OLR1: variants seen among roughly 807,000 people sequenced by gnomAD.
OLR1 encodes the protein oxidized low density lipoprotein receptor 1, also known as oxidized low-density lipoprotein receptor 1.
OLR1 carries 23 observed loss-of-function variants against 31.7 expected under a neutral mutation model. That is an observed-to-expected ratio of 0.72 (90% confidence interval 0.52 to 1.03). The LOEUF (loss-of-function observed/expected upper bound fraction) is 1.03. OLR1 is among the 50% of genes least tolerant of loss of function. The probability of loss-of-function intolerance (pLI) is 0.00; values close to 1 mark genes in which losing one functional copy is unlikely to be tolerated. For missense variants in OLR1, 286 were observed against 315.7 expected (o/e 0.91, Z 0.71); for synonymous variants, 117 against 115.8 (o/e 1.01, Z -0.07).
intron 2 of OLR1, among the ~76,000 whole-genome samples, chr12:10,168,303 T>A (rs1371789601): frequency 6.6e-6 from 1 of 152,212 alleles, no homozygotes; most frequent in African/African-American, 2.4e-5. Context: ...AATGTTTTAT[T>A]TATTAAGATT....
In OLR1 at chr12:10,169,115, C is replaced by G; in HGVS notation, c.137G>C (p.Cys46Ser). The change falls in exon 2 of 6, where the codon TGC becomes TCC. Residue 46 changes from cysteine to serine, a missense_variant. By Grantham distance (112) the Cys-to-Ser change is moderately radical. Coordinates refer to ENST00000309539, the MANE Select transcript of OLR1 (RefSeq NM_002543.4). ...CLAAATLGVL[C>S]LGLVVTIMVL... The stretch of plus-strand genomic sequence containing the variant: ...CATAATGGTCACTACTAATCCCAGG[C>G]AAAGGACCCCTAGAGTCGCAGCAGC... 1.2e-6 allele frequency: 2 copies of G among 1,613,876 alleles called. No homozygotes were observed. The highest frequency in any genetic ancestry group is 1.7e-6 in the Non-Finnish European group (2 of 1,179,946).
intron 3 of OLR1, among the ~76,000 whole-genome samples, chr12:10,166,478 A>G (rs1265787738): frequency 6.6e-6 from 1 of 151,828 alleles, no homozygotes; most frequent in Non-Finnish European, 1.5e-5. Flanking sequence ...CAGTGAGCAG[A>G]GATCACACCA....
chr12:10,160,575 C>T (rs138013175), intron 4 of OLR1, 113 bp from the exon 5 acceptor site: 8 of 988,136 alleles, frequency 8.1e-6, no homozygotes, highest in Admixed American at 2.2e-5. Flanking sequence ...TCTTTGACAT[C>T]CCCTTGACTG....
intron 5 of OLR1, 37 bp downstream of exon 5, chr12:10,160,310 C>G (rs1329685474): frequency 3.9e-5 from 59 of 1,507,570 alleles, no homozygotes; most frequent in Non-Finnish European, 5.4e-5. Context: ...GAATAGGAAA[C>G]TGACGAGAGA....
Position 10,159,724 on chromosome 12 carries a change from C to A in OLR1, c.*156G>T. 3.4e-6 allele frequency: 2 copies of A among 590,044 alleles called. No homozygotes were observed. The highest frequency in any genetic ancestry group is 5.7e-6 in the Non-Finnish European group (2 of 353,716). The allele number at this position is 590,044 out of a possible 1,614,324, so 36.6% of individuals were successfully genotyped here. A position where few individuals can be genotyped will look rare whatever the true frequency, so the allele number is the denominator to read the frequency against. ...ATCAAAAATGTTGACATAAAGGTGC[C>A]AGGCTCCTGGAACCCCAGTTTCTGC... On this transcript the variant is annotated 3_prime_UTR_variant, in exon 6 of 6. Coordinates refer to ENST00000309539, the MANE Select transcript of OLR1 (RefSeq NM_002543.4).
chr12:10,163,255 T>A (rs1948634669), intron 3 of OLR1, among the ~76,000 whole-genome samples: 2 of 152,142 alleles, frequency 1.3e-5, no homozygotes, highest in Non-Finnish European at 2.9e-5. Context: ...CACTATAACA[T>A]ACTACCTTTC....
intron 3 of OLR1, among the ~76,000 whole-genome samples, 173 bp downstream of exon 3, chr12:10,166,533 AAAAAAG>A (rs1159991740): frequency 6.6e-6 from 1 of 152,036 alleles, no homozygotes; most frequent in African/African-American, 2.4e-5. Context: ...ATCTAAAAAA[AAAAAAG>A]AAAAAGAAAG....
At chr12:10,169,206 C>T in intron 1 of OLR1, 31 bp from the exon 2 acceptor site, 12 of 1,511,714 alleles carry the variant, frequency 7.9e-6, no homozygotes, top group Non-Finnish European at 1.1e-5. Flanking sequence ...ATCAGAAAGA[C>T]AAAAAAGAGT....
At chr12:10,172,417 G>GT (rs988299432), upstream of OLR1, 1 of 189,258 alleles carries the variant, frequency 5.3e-6, no homozygotes, top group Admixed American at 5.5e-5. Flanking sequence ...TTCAAAGAGA[G>GT]TAAGTCACAC....
At chr12:10,168,181 C>T (rs1948678063) in intron 2 of OLR1, among the ~76,000 whole-genome samples, 1 of 152,146 alleles carries the variant, frequency 6.6e-6, no homozygotes, top group Non-Finnish European at 1.5e-5. Context: ...CGTTGGGCAC[C>T]ATTTTCTTTC....
chr12:10,166,632 C>G, intron 3 of OLR1, 80 bp downstream of exon 3: 7 of 1,513,070 alleles, frequency 4.6e-6, no homozygotes, highest in Non-Finnish European at 6.4e-6. Flanking sequence ...CAATTTTGAG[C>G]CCAGAATTGT....
intron 5 of OLR1, 151 bp downstream of exon 5, chr12:10,160,196 A>G (rs1439510055): frequency 1.1e-6 from 1 of 892,342 alleles, no homozygotes; most frequent in Non-Finnish European, 1.7e-6. Flanking sequence ...TTTTTGTGAA[A>G]GAGGTAAGGA....
chr12:10,175,921 A>G (rs1948762156), upstream of OLR1, among the ~76,000 whole-genome samples: 1 of 152,178 alleles, frequency 6.6e-6, no homozygotes, highest in East Asian at 1.9e-4. Context: ...GAAGTAAGCA[A>G]TTTGTTTGGC....
intron 3 of OLR1, among the ~76,000 whole-genome samples, chr12:10,165,740 G>A (rs1389057259): frequency 2.6e-5 from 4 of 151,654 alleles, no homozygotes; most frequent in Non-Finnish European, 5.9e-5. Flanking sequence ...CAGCCTGGGT[G>A]TGACACAGCG....
intron 1 of OLR1, chr12:10,170,838 C>T (rs1948709173): frequency 6.6e-6 from 1 of 152,082 alleles, no homozygotes; most frequent in African/African-American, 2.4e-5. Flanking sequence ...AATCACAGGA[C>T]CCTGTGAAGG....
intron 3 of OLR1, among the ~76,000 whole-genome samples, chr12:10,161,662 C>T (rs1948620590): frequency 6.6e-6 from 1 of 152,084 alleles, no homozygotes; most frequent in Non-Finnish European, 1.5e-5. Context: ...CCTGCCTCAG[C>T]CTCCCAAAGT....
chr12:10,171,831 TGTC>T (rs879602720), intron 1 of OLR1, among the ~76,000 whole-genome samples, 168 bp downstream of exon 1: 17 of 152,216 alleles, frequency 1.1e-4, no homozygotes, highest in Non-Finnish European at 1.9e-4. Flanking sequence ...ATAAATAAGT[TGTC>T]ATCATCATCA....
intron 4 of OLR1, 80 bp from the exon 5 acceptor site, chr12:10,160,542 C>A: frequency 8.5e-7 from 1 of 1,180,364 alleles, no homozygotes; most frequent in Non-Finnish European, 1.2e-6. Context: ...GTTGGATCCA[C>A]AAAACTAAAG....
At chr12:10,161,054 G>T in intron 3 of OLR1, 129 bp from the exon 4 acceptor site, 1 of 983,078 alleles carries the variant, frequency 1.0e-6, no homozygotes, top group Non-Finnish European at 1.5e-6. Context: ...TTTTGTTTTT[G>T]TATTTTTAGT....
Sources: allele counts gnomAD v4.1 joint callset (sites outside exome capture counted in the v4.1 genomes callset), GRCh38; gene constraint gnomAD v4.1.1; transcripts MANE v1.5; gene names NCBI Gene and HGNC (gene_info 2026-07-23, HGNC 2026-07-21).